RELCH: variants seen among roughly 807,000 people sequenced by gnomAD.
RELCH encodes RAB11 binding and LisH domain, coiled-coil and HEAT repeat containing.
Under a neutral mutation model 150.3 loss-of-function variants are expected in RELCH, and 41 were observed. The ratio of observed to expected loss-of-function variants is 0.27; its 90% CI spans 0.21 to 0.35. The LOEUF (loss-of-function observed/expected upper bound fraction) is 0.35, where lower values mean the gene tolerates loss of function less well. Among genes scored for constraint, RELCH ranks in the 10% least tolerant of loss-of-function variants. RELCH has a pLI of 1.00. For synonymous variants in RELCH, 478 were observed against 531.8 expected (o/e 0.90, Z 1.39); for missense variants, 1,092 against 1,467.8 (o/e 0.74, Z 4.18).
At chr18:62,254,751 ACTC>A (rs1382345787) in intron 12 of RELCH, 1 of 151,968 alleles carries the variant, frequency 6.6e-6, no homozygotes, top group Non-Finnish European at 1.5e-5. Context: ...GAACAAATAT[ACTC>A]CTTTTCCAGT....
intron 15 of RELCH, among the ~76,000 whole-genome samples, chr18:62,259,215 G>A (rs1015983292): frequency 3.3e-5 from 5 of 151,986 alleles, no homozygotes; most frequent in African/African-American, 1.2e-4. Flanking sequence ...GAGACTAGAA[G>A]AGAAATTATT....
At chr18:62,293,105 C>T (rs9957602) in intron 27 of RELCH, among the ~76,000 whole-genome samples, 1,698 of 152,292 alleles carry the variant, frequency 0.011, 21 homozygotes, top group East Asian at 0.038. Flanking sequence ...CATATAACAT[C>T]GTCTTTTCTT....
chr18:62,263,909 C>A, intron 16 of RELCH, 80 bp from the exon 17 acceptor site: 4 of 1,075,404 alleles, frequency 3.7e-6, no homozygotes, highest in Non-Finnish European at 4.1e-6. Flanking sequence ...GAGAAAGGAC[C>A]TTATTTTCCT....
chr18:62,264,905 T>C (rs1300580534), intron 18 of RELCH, 53 bp downstream of exon 18: 8 of 1,421,986 alleles, frequency 5.6e-6, no homozygotes, highest in Admixed American at 1.9e-5. Context: ...AGAAATGTAA[T>C]GTGTTAACAC....
rs536461886 is a variant in RELCH, at chr18:62,291,197, A to T, written c.3371-346A>T. On this transcript the variant is annotated intron_variant, in intron 26 of 28. Transcript: ENST00000644646. The stretch of plus-strand genomic sequence containing the variant: ...TCCCAAAACTTTCAACTTAGTTGTC[A>T]TGGAAAACTTACTTTTTATACTTTT... 2.5e-4 allele frequency among the ~76,000 whole-genome samples: 38 copies of T among 152,350 alleles called. No individual in the cohort carries two copies. The South Asian group carries it at 6.8e-3, about 27-fold the overall frequency.
At chr18:62,263,015 G>A (rs560669873) in intron 16 of RELCH, among the ~76,000 whole-genome samples, 320 of 151,990 alleles carry the variant, frequency 2.1e-3, no homozygotes, top group African/African-American at 7.2e-3. Flanking sequence ...TTATCTTCAC[G>A]TGGCACACTT....
At chr18:62,258,392 C>A in intron 14 of RELCH, 120 bp from the exon 15 acceptor site, 1 of 871,536 alleles carries the variant, frequency 1.1e-6, no homozygotes, top group Non-Finnish European at 1.7e-6. Context: ...TTATGGATGG[C>A]CTTCTTTCTT....
chr18:62,262,869 G>T (rs1252883775), intron 16 of RELCH, among the ~76,000 whole-genome samples: 1 of 113,050 alleles, frequency 8.8e-6, no homozygotes, highest in Non-Finnish European at 1.8e-5. Context: ...AGAAGTCTGA[G>T]ATCAAGGTGT....
At chr18:62,268,080 C>G (rs559687437) in intron 19 of RELCH, among the ~76,000 whole-genome samples, 1 of 151,938 alleles carries the variant, frequency 6.6e-6, no homozygotes, top group East Asian at 1.9e-4. Context: ...ATGTAGTACC[C>G]TCAGAAAATA....
chr18:62,219,334 T>C (rs1400996765), intron 2 of RELCH, among the ~76,000 whole-genome samples: 1 of 147,732 alleles, frequency 6.8e-6, no homozygotes, highest in East Asian at 2.0e-4. Context: ...TCTTTTTTTT[T>C]TTTTTTTCAT....
intron 2 of RELCH, among the ~76,000 whole-genome samples, chr18:62,214,253 G>A (rs571400294): frequency 6.6e-6 from 1 of 152,108 alleles, no homozygotes; most frequent in African/African-American, 2.4e-5. Flanking sequence ...ACCATGGCTT[G>A]TTATTGAACC....
At chr18:62,282,838 C>T (rs188400295) in intron 25 of RELCH, among the ~76,000 whole-genome samples, 10 of 151,882 alleles carry the variant, frequency 6.6e-5, no homozygotes, top group East Asian at 5.8e-4. Flanking sequence ...TTGTATTTTT[C>T]GTAGAGACGG....
chr18:62,288,331 T>C (rs780225326), intron 26 of RELCH, among the ~76,000 whole-genome samples: 12 of 152,126 alleles, frequency 7.9e-5, no homozygotes, highest in South Asian at 4.1e-4. Flanking sequence ...TGGTTCACAT[T>C]GTTATATACC....
At chr18:62,245,183 T>G (rs2042340281) in intron 11 of RELCH, among the ~76,000 whole-genome samples, 1 of 152,220 alleles carries the variant, frequency 6.6e-6, no homozygotes, top group South Asian at 2.1e-4. Flanking sequence ...GAAATTTACC[T>G]TATGCATAAT....
At chr18:62,276,729 T>G (rs1600202663) in intron 22 of RELCH, among the ~76,000 whole-genome samples, 2 of 152,194 alleles carry the variant, frequency 1.3e-5, no homozygotes, top group South Asian at 4.1e-4. Flanking sequence ...TCCAGAAAAT[T>G]CCATTGTTAT....
At position 62,189,734 on chromosome 18, in the gene RELCH, TA is replaced by T. The variant is rs375945658; in HGVS notation, c.526+1704del. On this transcript the variant is annotated intron_variant, in intron 1 of 28. Transcript: ENST00000644646. Reference sequence around the variant, plus strand: ...AAAATTCCTCCTTGCAAACTTTTTGTATTGAAAGAATTATAATTGAGCTCAT... The same window carrying T: ...AAAATTCCTCCTTGCAAACTTTTTGTTTGAAAGAATTATAATTGAGCTCAT... 3.1e-3 allele frequency among the ~76,000 whole-genome samples: 467 copies of T among 152,354 alleles called. 2 individuals are homozygous for T. Among genetic ancestry groups the T allele is most frequent in the African/African-American group, 0.011 (438 of 41,584 alleles).
intron 2 of RELCH, among the ~76,000 whole-genome samples, chr18:62,219,361 C>A (rs1350375365): frequency 8.1e-6 from 1 of 123,908 alleles, no homozygotes; most frequent in Non-Finnish European, 1.6e-5. Context: ...ATCATTCTGG[C>A]GTAGGGCACT....
rs556187486 is a variant in RELCH at position 62,282,230 on chromosome 18, T to A, written c.3115-76T>A. On this transcript the variant is annotated intron_variant, in intron 24 of 28. Transcript: ENST00000644646. ...ATCCACTGCTTTAAGTCATGTTTAA[T>A]GTGTGTCTTTCACTTTAACAACACT... 70 of 1,261,620 alleles carry A rather than the reference T, an allele frequency of 5.5e-5. 1 individual carries two copies. The South Asian group carries it at 8.3e-4, about 15-fold the overall frequency. 78.2% of individuals were successfully genotyped at this position (1,261,620 alleles called of 1,614,324 possible).
In RELCH at chr18:62,258,179, T is replaced by C. The variant is rs546075522; in HGVS notation, c.2037+91T>C. On this transcript the variant is annotated intron_variant, in intron 14 of 28. Transcript: ENST00000644646. ...TCTCTGATTTAGATACTTTATAATG[T>C]ATCATAAGGATGGCAGGTATGTCAA... 2.5e-6 allele frequency: 3 copies of C among 1,199,892 alleles called. No homozygotes were observed. In the South Asian group the frequency reaches 4.3e-5, roughly 17 times the overall value. 74.3% of individuals were successfully genotyped at this position (1,199,892 alleles called of 1,614,324 possible). A position where few individuals can be genotyped will look rare whatever the true frequency, so the allele number is the denominator to read the frequency against.
Sources: gnomAD v4.1 joint callset for allele counts (sites outside exome capture counted in the v4.1 genomes callset) on GRCh38, gnomAD v4.1.1 for gene constraint, MANE v1.5 for transcripts, NCBI Gene and HGNC (gene_info 2026-07-23, HGNC 2026-07-21) for gene names.